The following ECPAS variants were observed in gnomAD, a reference collection of about 807,000 sequenced individuals.
The protein encoded by ECPAS is Ecm29 proteasome adaptor and scaffold.
ECPAS carries 70 observed loss-of-function variants against 255.1 expected under a neutral mutation model. The observed-to-expected ratio is 0.27, with a 90% confidence interval of 0.23 to 0.33. The LOEUF is 0.33. Among genes scored for constraint, ECPAS ranks in the 10% least tolerant of loss-of-function variants. ECPAS has a pLI of 1.00. For missense variants in ECPAS, 1,817 were observed against 2,206.4 expected, an observed-to-expected ratio of 0.82 and a Z score of 3.54; for synonymous variants, 784 against 775.0, an observed-to-expected ratio of 1.01 and a Z score of -0.19.
intron 1 of ECPAS, among the ~76,000 whole-genome samples, chr9:111,476,327 T>C (rs576100609): frequency 6.6e-6 from 1 of 152,184 alleles, no homozygotes; most frequent in Non-Finnish European, 1.5e-5. Context: ...TTAACTATAA[T>C]GTCAACTTTT....
At position 111,371,727 on chromosome 9, in the gene ECPAS, G is replaced by A; in HGVS notation, c.4631C>T (p.Ala1544Val). 6.2e-7 allele frequency: 1 copy of A among 1,613,510 alleles called. No individual in the cohort carries two copies. Among genetic ancestry groups the A allele is most frequent in the Admixed American group, 1.7e-5 (1 of 60,016 alleles). ...AGTCTGTTTTGCAATTGATGCCATGGCAATTGCACCCTGGGCTTTCATTTT... is the reference window on the plus strand; with the variant it reads ...AGTCTGTTTTGCAATTGATGCCATGACAATTGCACCCTGGGCTTTCATTTT... ...SWKMKAQGAI[A>V]MASIAKQTSS... Residue 1544 changes from alanine (A) to valine (V), a missense_variant, in exon 43 of 50, where the codon GCC (alanine) becomes GTC (valine). Ala to Val is a moderately conservative substitution (Grantham distance 64, BLOSUM62 0). This residue lies in a region of ECPAS where 960 missense variants were observed against 1,179.0 expected (regional missense o/e 0.81). Coordinates refer to ENST00000684092, the MANE Select transcript of ECPAS (RefSeq NM_001364929.1).
chr9:111,436,099 A>T (rs1316024935), intron 7 of ECPAS, among the ~76,000 whole-genome samples: 2 of 151,768 alleles, frequency 1.3e-5, no homozygotes, highest in Non-Finnish European at 2.9e-5. Flanking sequence ...TCACTCAATA[A>T]AACATTCTAT....
chr9:111,428,539 G>T (rs2098225034), intron 9 of ECPAS, among the ~76,000 whole-genome samples: 1 of 152,102 alleles, frequency 6.6e-6, no homozygotes, highest in South Asian at 2.1e-4. Flanking sequence ...CAAGAGAAAT[G>T]AATTTTTATA....
Position 111,472,952 on chromosome 9 carries a change from C to T in ECPAS, c.-34G>A. The T allele has an allele frequency of 8.0e-7, 1 of 1,242,892 alleles. No individual in the cohort carries two copies. The highest frequency in any genetic ancestry group is 1.0e-6 in the Non-Finnish European group (1 of 966,440). 77.0% of individuals were successfully genotyped at this position (1,242,892 alleles called of 1,614,324 possible). On this transcript the variant is annotated 5_prime_UTR_variant, in exon 2 of 50. Transcript: ENST00000684092. ...CAATCTTGACAAAAATCCTCGGGAT[C>T]ACCAATGGTACGTTCATCCACTCGT...
intron 46 of ECPAS, among the ~76,000 whole-genome samples, chr9:111,368,159 T>A (rs1003277870): frequency 2.0e-5 from 3 of 151,890 alleles, no homozygotes; most frequent in Non-Finnish European, 4.4e-5. Context: ...TAAGATCAAG[T>A]GTAAAGGGTA....
chr9:111,389,141 T>G (rs1454235471), intron 31 of ECPAS, among the ~76,000 whole-genome samples: 1 of 152,166 alleles, frequency 6.6e-6, no homozygotes, highest in Non-Finnish European at 1.5e-5. Context: ...AGAACATGAT[T>G]AACAGCCAGA....
At chr9:111,451,576 AAGAG>A (rs757658292) in intron 2 of ECPAS, 21 bp from the exon 3 acceptor site, 1 of 1,523,380 alleles carries the variant, frequency 6.6e-7, no homozygotes, top group South Asian at 1.3e-5. Context: ...AAAAGAAAAA[AAGAG>A]AGAACTTAGC....
At chr9:111,416,781 G>A (rs962420845) in intron 17 of ECPAS, among the ~76,000 whole-genome samples, 1 of 152,120 alleles carries the variant, frequency 6.6e-6, no homozygotes, top group Non-Finnish European at 1.5e-5. Context: ...ACCTAGCAAA[G>A]AGCTAGGATC....
At chr9:111,434,707 A>T (rs2098235185) in intron 7 of ECPAS, among the ~76,000 whole-genome samples, 2 of 149,856 alleles carry the variant, frequency 1.3e-5, no homozygotes, top group African/African-American at 2.5e-5. Context: ...CTCGTGCCTC[A>T]GCCTCCCCAG....
In ECPAS at chr9:111,393,664, A is replaced by T. The variant is rs766765997; in HGVS notation, c.2977+16T>A. 44 of 1,480,642 alleles carry T rather than the reference A, an allele frequency of 3.0e-5. No homozygotes were observed. Among genetic ancestry groups the T allele is most frequent in the Non-Finnish European group, 3.9e-5 (42 of 1,066,192 alleles). 91.7% of individuals were successfully genotyped at this position (1,480,642 alleles called of 1,614,324 possible). A position where few individuals can be genotyped will look rare whatever the true frequency, so the allele number is the denominator to read the frequency against. ...CAAGTTCAATTAAGTTTAGAAATCA[A>T]ATATTAACAACCTACCATCATTTTC... is the stretch of plus-strand genomic sequence containing the variant. On this transcript the variant is annotated intron_variant, in intron 27 of 49. Transcript: ENST00000684092.
rs146132621 is a variant in ECPAS at position 111,372,282 on chromosome 9, G to T, written c.4528+147C>A. 711 of 760,546 alleles carry T rather than the reference G, an allele frequency of 9.3e-4. 3 individuals are homozygous for T. The African/African-American group carries it at 0.011, about 12-fold the overall frequency. 47.1% of individuals were successfully genotyped at this position (760,546 alleles called of 1,614,324 possible). A position where few individuals can be genotyped will look rare whatever the true frequency, so the allele number is the denominator to read the frequency against. ...ATGGGTTCAAAACTAAATGGGATGA[G>T]CAATTTGGATGGGTTTAAAACTAAA... On this transcript the variant is annotated intron_variant, in intron 42 of 49. Coordinates refer to ENST00000684092, the MANE Select transcript of ECPAS (RefSeq NM_001364929.1).
intron 35 of ECPAS, among the ~76,000 whole-genome samples, chr9:111,380,696 T>C (rs962592894): frequency 2.6e-5 from 4 of 152,236 alleles, no homozygotes; most frequent in Non-Finnish European, 4.4e-5. Context: ...TGTTGTTGAG[T>C]GTAGACACCT....
At position 111,375,149 on chromosome 9, in the gene ECPAS, A is replaced by G; in HGVS notation, c.4074T>C (p.Cys1358=). The G allele has an allele frequency of 6.2e-7, 1 of 1,613,786 alleles. No homozygotes were observed. Among genetic ancestry groups the G allele is most frequent in the Non-Finnish European group, 8.5e-7 (1 of 1,179,738 alleles). Residue 1358 remains cysteine, a synonymous_variant, in exon 38 of 50, where the codon TGT becomes TGC. Transcript: ENST00000684092. ...GACCTACACCACTTCTGATCAGTTC[A>G]CACAACCTAGGAACTAGCTCGCCCA... is the stretch of plus-strand genomic sequence containing the variant. ...SVLGELVPRL[C]ELIRSGVGLG...
In ECPAS at chr9:111,372,435, C is replaced by G. The variant is rs200488483; in HGVS notation, c.4522G>C (p.Val1508Leu). ...NLWTEVWQENVPGSFGGIRLY... is the reference protein window; with the variant it reads ...NLWTEVWQENLPGSFGGIRLY... ...CTCAGGCCACACTACTAACCAGGTA[C>G]GTTTTCCTGCCACACTTCGGTCCAT... The change falls in exon 42 of 50, where the codon GTA becomes CTA. Residue 1508 changes from valine (V) to leucine (L), a missense_variant. Physicochemically the swap from Val to Leu is conservative, Grantham distance 32. This residue lies in a region of ECPAS where 960 missense variants were observed against 1,179.0 expected (regional missense o/e 0.81). Transcript: ENST00000684092. 8.7e-6 allele frequency: 14 copies of G among 1,613,254 alleles called. No homozygotes were observed. Among genetic ancestry groups the G allele is most frequent in the South Asian group, 2.2e-5 (2 of 91,008 alleles).
At chr9:111,391,706 C>CAT (rs1352284689) in intron 29 of ECPAS, 50 bp downstream of exon 29, 9 of 1,113,956 alleles carry the variant, frequency 8.1e-6, no homozygotes, top group African/African-American at 6.2e-5. Context: ...CTAATAAATG[C>CAT]ATATATATAT....
In ECPAS at chr9:111,414,475, G is replaced by T; in HGVS notation, c.1941C>A (p.Val647=). The change falls in exon 19 of 50, where the codon GTC becomes GTA. Residue 647 remains valine, a synonymous_variant. Transcript: ENST00000684092. ...SSNKSGETNP[V]QIYIGLLQQL... Reference sequence around the variant, plus strand: ...GCTGAAGCAGGCCAATGTAGATCTGGACAGGGTTAGTCTCCCCACTCTTGT... The same window carrying T: ...GCTGAAGCAGGCCAATGTAGATCTGTACAGGGTTAGTCTCCCCACTCTTGT... The T allele has an allele frequency of 6.2e-7, 1 of 1,613,996 alleles. No homozygotes were observed.
chr9:111,371,121 G>T (rs1011100175), intron 43 of ECPAS, among the ~76,000 whole-genome samples: 4 of 151,718 alleles, frequency 2.6e-5, no homozygotes, highest in Admixed American at 6.6e-5. Flanking sequence ...AGATCATTAG[G>T]TTACCACAAT....
At chr9:111,411,846 T>TCACTTAACA (rs1307050108) in intron 21 of ECPAS, 168 bp downstream of exon 21, 10 of 559,670 alleles carry the variant, frequency 1.8e-5, no homozygotes, top group Non-Finnish European at 3.0e-5. Context: ...ATCTGTTAAG[T>TCACTTAACA]GAGCTGACTG....
At chr9:111,438,857 C>T (rs533493412) in intron 6 of ECPAS, among the ~76,000 whole-genome samples, 1 of 152,280 alleles carries the variant, frequency 6.6e-6, no homozygotes, top group Non-Finnish European at 1.5e-5. Flanking sequence ...TTCATCACAC[C>T]GCATGAACTC....
Sources: allele counts gnomAD v4.1 joint callset (sites outside exome capture counted in the v4.1 genomes callset), GRCh38; gene constraint gnomAD v4.1.1; regional missense constraint gnomAD v4.1.1; transcripts MANE v1.5; gene names NCBI Gene and HGNC (gene_info 2026-07-23, HGNC 2026-07-21).